Variants in CRISP3 observed in about 807,000 individuals in gnomAD.
CRISP3 encodes cysteine-rich secretory protein 3.
Under a neutral mutation model 36.1 loss-of-function variants are expected in CRISP3, and 33 were observed. The ratio of observed to expected loss-of-function variants is 0.91; its 90% confidence interval spans 0.69 to 1.22. The LOEUF (loss-of-function observed/expected upper bound fraction) is 1.22, where lower values mean the gene tolerates loss of function less well. Ranked by LOEUF, CRISP3 falls within the 50% of genes most tolerant of loss-of-function variation. CRISP3 has a pLI of 0.00. For missense variants in CRISP3, 330 were observed against 301.2 expected, an observed-to-expected ratio of 1.10 and a Z score of -0.71; for synonymous variants, 117 against 104.6, an observed-to-expected ratio of 1.12 and a Z score of -0.72.
chr6:49,733,178 C>T lies in CRISP3; in HGVS notation c.560+17G>A. The T allele has an allele frequency of 2.1e-6, 3 of 1,440,708 alleles. No individual in the cohort carries two copies. Among genetic ancestry groups the T allele is most frequent in the South Asian group, 1.3e-5 (1 of 79,488 alleles). The allele number at this position is 1,440,708 out of a possible 1,614,324, so 89.2% of individuals were successfully genotyped here. The stretch of plus-strand genomic sequence containing the variant: ...TATTTAGCATTATTGACAATAAACG[C>T]TAAAATATATACTTACGCAGGACAA... On this transcript the variant is annotated intron_variant, in intron 6 of 7. Coordinates refer to ENST00000263045, the MANE Select transcript of CRISP3 (RefSeq NM_006061.4).
At chr6:49,736,940 G>A (rs1231720058) in intron 2 of CRISP3, among the ~76,000 whole-genome samples, 1 of 151,990 alleles carries the variant, frequency 6.6e-6, no homozygotes, top group African/African-American at 2.4e-5. Context: ...AATGGTGTCT[G>A]GTATTTAGAA....
chr6:49,730,700 T>A (rs1768892898), intron 7 of CRISP3, among the ~76,000 whole-genome samples: 1 of 152,144 alleles, frequency 6.6e-6, no homozygotes, highest in African/African-American at 2.4e-5. Context: ...AAATTTTACA[T>A]TGCAAATGAT....
chr6:49,736,046 T>C (rs1403073973), intron 3 of CRISP3, among the ~76,000 whole-genome samples: 2 of 151,704 alleles, frequency 1.3e-5, no homozygotes, highest in Non-Finnish European at 2.9e-5. Flanking sequence ...TAGATTGTTA[T>C]TTACCCTACA....
At chr6:49,735,322 T>C (rs1048296900) in intron 4 of CRISP3, among the ~76,000 whole-genome samples, 182 bp downstream of exon 4, 10 of 152,142 alleles carry the variant, frequency 6.6e-5, no homozygotes, top group Non-Finnish European at 1.5e-4. Context: ...TTGTAAAATT[T>C]ATTTAAAACA....
intron 2 of CRISP3, 54 bp downstream of exon 2, chr6:49,737,271 G>A: frequency 2.9e-6 from 4 of 1,378,582 alleles, no homozygotes; most frequent in East Asian, 2.3e-5. Context: ...CTAGTAGCTT[G>A]CCATCCCTCA....
intron 3 of CRISP3, 91 bp from the exon 4 acceptor site, chr6:49,735,682 T>C (rs1030924011): frequency 9.2e-6 from 8 of 869,908 alleles, no homozygotes; most frequent in Non-Finnish European, 1.4e-5. Flanking sequence ...TTGATTTACA[T>C]CATCATAAAA....
At chr6:49,737,634 A>G (rs1480046303) in intron 1 of CRISP3, among the ~76,000 whole-genome samples, 1 of 152,142 alleles carries the variant, frequency 6.6e-6, no homozygotes, top group Non-Finnish European at 1.5e-5. Flanking sequence ...GAAGCCCTTG[A>G]AGCATGCCTA....
At chr6:49,741,308 C>A (rs1023857512) in intron 1 of CRISP3, among the ~76,000 whole-genome samples, 1 of 152,106 alleles carries the variant, frequency 6.6e-6, no homozygotes, top group African/African-American at 2.4e-5. Flanking sequence ...CCTCCCAATG[C>A]TGTTTTTTCC....
chr6:49,740,829 C>G (rs901056535), intron 1 of CRISP3, among the ~76,000 whole-genome samples: 1 of 151,862 alleles, frequency 6.6e-6, no homozygotes, highest in Non-Finnish European at 1.5e-5. Flanking sequence ...GGGCTGGATG[C>G]GGTGGCTAAT....
At chr6:49,733,945 T>C (rs1768980350) in intron 4 of CRISP3, 97 bp from the exon 5 acceptor site, 1 of 1,113,544 alleles carries the variant, frequency 9.0e-7, no homozygotes, top group African/African-American at 1.6e-5. Context: ...GAATCCCTGT[T>C]TTTTAAATAC....
intron 1 of CRISP3, among the ~76,000 whole-genome samples, chr6:49,743,110 C>G (rs1409604545): frequency 6.6e-6 from 1 of 152,190 alleles, no homozygotes. Context: ...AACTGCTAGA[C>G]TTCATCAAGT....
intron 1 of CRISP3, among the ~76,000 whole-genome samples, chr6:49,743,028 G>T (rs1769247304): frequency 6.6e-6 from 1 of 152,104 alleles, no homozygotes; most frequent in Admixed American, 6.5e-5. Flanking sequence ...TCTTTATTCT[G>T]ATCACTTTCT....
intron 1 of CRISP3, among the ~76,000 whole-genome samples, chr6:49,739,754 AC>A (rs1769151886): frequency 1.3e-5 from 2 of 149,358 alleles, no homozygotes; most frequent in South Asian, 2.1e-4. Flanking sequence ...CATAGAAGGT[AC>A]TAGAAAGAAT....
At chr6:49,736,036 T>C (rs1010430343) in intron 3 of CRISP3, among the ~76,000 whole-genome samples, 8 of 151,978 alleles carry the variant, frequency 5.3e-5, no homozygotes, top group African/African-American at 1.7e-4. Context: ...CCCAGAAAAG[T>C]AGATTGTTAT....
At chr6:49,729,561 T>C (rs978649928) in intron 7 of CRISP3, among the ~76,000 whole-genome samples, 2 of 152,200 alleles carry the variant, frequency 1.3e-5, no homozygotes, top group Non-Finnish European at 2.9e-5. Context: ...ATTTCCTTAT[T>C]ATTTCCCAAC....
At position 49,728,840 on chromosome 6, in the gene CRISP3, C is replaced by T. The variant is rs113164514; in HGVS notation, c.667G>A (p.Glu223Lys). Residue 223 changes from glutamate to lysine, a missense_variant, in exon 8 of 8, where the codon GAA becomes AAA. Transcript: ENST00000263045. ...CTTTTACAGTTACTATAGAGATCTT[C>T]GTACTTGCAACCATTGGCTGGAATA... The part of the protein sequence containing the change: ...DGLCTNGCKY[E>K]DLYSNCKSLK... The T allele has an allele frequency of 1.2e-4, 197 of 1,609,728 alleles. No individual in the cohort carries two copies. Among genetic ancestry groups the T allele is most frequent in the Middle Eastern group, 1.6e-4 (1 of 6,076 alleles).
In CRISP3 at chr6:49,731,186, T is replaced by A; in HGVS notation, c.626A>T (p.Asp209Val). Reference sequence around the variant, plus strand: ...ACTGCATAGTCCATCGTCACAGTTATCTGGGCAACTGGCACAAGGTGCTCC... The same window carrying A: ...ACTGCATAGTCCATCGTCACAGTTAACTGGGCAACTGGCACAAGGTGCTCC... ...EQGAPCASCP[D>V]NCDDGLCTNG... Residue 209 changes from aspartate to valine, a missense_variant, in exon 7 of 8, where the codon GAT (aspartate) becomes GTT (valine). Coordinates refer to ENST00000263045, the MANE Select transcript of CRISP3 (RefSeq NM_006061.4). 1 of 1,610,136 alleles carries A rather than the reference T, an allele frequency of 6.2e-7. No individual in the cohort carries two copies. The highest frequency in any genetic ancestry group is 8.5e-7 in the Non-Finnish European group (1 of 1,177,562).
intron 7 of CRISP3, among the ~76,000 whole-genome samples, chr6:49,730,793 C>A (rs1768895837): frequency 6.6e-6 from 1 of 152,178 alleles, no homozygotes; most frequent in African/African-American, 2.4e-5. Flanking sequence ...GTAATCCCAG[C>A]ACTTCGGGTG....
chr6:49,734,413 T>C (rs1183737185), intron 4 of CRISP3, among the ~76,000 whole-genome samples: 2 of 152,160 alleles, frequency 1.3e-5, no homozygotes, highest in Admixed American at 6.5e-5. Context: ...AGGCCTCCTC[T>C]TAGCAAATCA....
Sources: gnomAD v4.1 joint callset for allele counts (sites outside exome capture counted in the v4.1 genomes callset) on GRCh38, gnomAD v4.1.1 for gene constraint, MANE v1.5 for transcripts, NCBI Gene and HGNC (gene_info 2026-07-23, HGNC 2026-07-21) for gene names.